HHAT: variants seen among roughly 807,000 people sequenced by gnomAD.
The protein encoded by HHAT is hedgehog acyltransferase.
Under a neutral mutation model 70.8 loss-of-function variants are expected in HHAT, and 47 were observed. That is an observed-to-expected ratio of 0.66 (90% CI 0.53 to 0.85). The LOEUF is 0.85. Ranked by LOEUF, HHAT falls within the 40% of genes least tolerant of loss-of-function variation. The pLI, the probability that HHAT is intolerant of heterozygous loss-of-function variation, is 0.00. For missense variants in HHAT, 609 were observed against 604.8 expected (o/e 1.01, Z -0.07); for synonymous variants, 228 against 247.6 (o/e 0.92, Z 0.74).
At chr1:210,642,279 A>G (rs962047426) in intron 11 of HHAT, among the ~76,000 whole-genome samples, 7 of 152,220 alleles carry the variant, frequency 4.6e-5, no homozygotes, top group Non-Finnish European at 1.0e-4. Context: ...GTGTGAACAT[A>G]CCACAATTCA....
intron 10 of HHAT, among the ~76,000 whole-genome samples, chr1:210,604,228 T>A (rs973534473): frequency 6.8e-6 from 1 of 147,770 alleles, no homozygotes; most frequent in African/African-American, 2.5e-5. Context: ...TACAGGTGCA[T>A]GCCACCAAGC....
chr1:210,366,662 T>G (rs547278827), intron 3 of HHAT, among the ~76,000 whole-genome samples: 1 of 152,216 alleles, frequency 6.6e-6, no homozygotes, highest in South Asian at 2.1e-4. Context: ...TTAAAAAGTC[T>G]CCATGCATTG....
At chr1:210,570,841 G>T (rs940120569) in intron 9 of HHAT, among the ~76,000 whole-genome samples, 1 of 152,138 alleles carries the variant, frequency 6.6e-6, no homozygotes, top group Non-Finnish European at 1.5e-5. Context: ...AGGAATATTG[G>T]CCCCACAGGT....
chr1:210,435,520 A>G (rs2093354297), intron 7 of HHAT, among the ~76,000 whole-genome samples: 1 of 151,442 alleles, frequency 6.6e-6, no homozygotes, highest in Non-Finnish European at 1.5e-5. Flanking sequence ...TGGTGGTTCT[A>G]TTTTTGTTTT....
intron 2 of HHAT, among the ~76,000 whole-genome samples, chr1:210,357,354 G>C (rs1319892019): frequency 6.6e-6 from 1 of 152,118 alleles, no homozygotes; most frequent in Non-Finnish European, 1.5e-5. Flanking sequence ...TCATGTGAGA[G>C]GTGCCTTCTC....
chr1:210,587,508 C>T (rs1573536499), intron 9 of HHAT, among the ~76,000 whole-genome samples: 1 of 152,316 alleles, frequency 6.6e-6, no homozygotes, highest in Admixed American at 6.5e-5. Flanking sequence ...GGGTCACAGC[C>T]AAACCATATC....
intron 10 of HHAT, among the ~76,000 whole-genome samples, chr1:210,597,978 C>G (rs771210196): frequency 1.1e-4 from 16 of 151,872 alleles, no homozygotes; most frequent in Admixed American, 1.0e-3. Context: ...CAAAAGCCCA[C>G]AGCAAGCACT....
chr1:210,483,666 T>C (rs1380373734), intron 8 of HHAT, among the ~76,000 whole-genome samples: 1 of 152,234 alleles, frequency 6.6e-6, no homozygotes, highest in Admixed American at 6.5e-5. Context: ...TTATTTGATG[T>C]AGTTTTAATT....
intron 2 of HHAT, among the ~76,000 whole-genome samples, chr1:210,357,085 G>A (rs1348690339): frequency 6.6e-6 from 1 of 152,210 alleles, no homozygotes; most frequent in Non-Finnish European, 1.5e-5. Flanking sequence ...ATTTGGCTGT[G>A]GTTTCCATTG....
At chr1:210,483,070 A>T (rs999305949) in intron 8 of HHAT, among the ~76,000 whole-genome samples, 1 of 152,222 alleles carries the variant, frequency 6.6e-6, no homozygotes, top group African/African-American at 2.4e-5. Flanking sequence ...ACTGTCTGAC[A>T]TGAATGCACT....
intron 11 of HHAT, among the ~76,000 whole-genome samples, chr1:210,664,209 A>G (rs1459806860): frequency 6.6e-6 from 1 of 152,228 alleles, no homozygotes; most frequent in African/African-American, 2.4e-5. Context: ...AGGCTTATTA[A>G]GATTAAAACT....
intron 10 of HHAT, among the ~76,000 whole-genome samples, chr1:210,618,770 C>A (rs1368451168): frequency 6.6e-6 from 1 of 152,128 alleles, no homozygotes; most frequent in Non-Finnish European, 1.5e-5. Context: ...CTTGTTTGCT[C>A]CCACCAATCC....
intron 9 of HHAT, among the ~76,000 whole-genome samples, chr1:210,551,929 G>A (rs1483970026): frequency 1.3e-5 from 2 of 152,202 alleles, no homozygotes; most frequent in Non-Finnish European, 2.9e-5. Context: ...TTTCTGCCAA[G>A]TGGCTAAAAT....
chr1:210,424,509 T>G (rs1299959219), intron 7 of HHAT, among the ~76,000 whole-genome samples: 1 of 150,712 alleles, frequency 6.6e-6, no homozygotes, highest in African/African-American at 2.4e-5. Context: ...GCCATGGGTT[T>G]TTTTTTTTTT....
At chr1:210,620,893 CT>C (rs11393436) in intron 10 of HHAT, among the ~76,000 whole-genome samples, 34,485 of 146,940 alleles carry the variant, frequency 0.23, 4,257 homozygotes, top group East Asian at 0.39. Context: ...ATGATTTTGA[CT>C]TTTTTTTTTT....
intron 9 of HHAT, among the ~76,000 whole-genome samples, chr1:210,513,573 T>C (rs2094998992): frequency 6.6e-6 from 1 of 152,258 alleles, no homozygotes; most frequent in Admixed American, 6.5e-5. Context: ...AGTTGCTTTA[T>C]AGTTGTGAAG....
intron 10 of HHAT, among the ~76,000 whole-genome samples, chr1:210,617,229 C>G (rs899254786): frequency 2.6e-5 from 4 of 152,208 alleles, no homozygotes; most frequent in African/African-American, 7.2e-5. Flanking sequence ...TTGGGGAACA[C>G]TGAAGACAGC....
At chr1:210,452,708 G>T (rs1324091614) in intron 7 of HHAT, among the ~76,000 whole-genome samples, 1 of 152,240 alleles carries the variant, frequency 6.6e-6, no homozygotes, top group African/African-American at 2.4e-5. Context: ...TTCTTTAAAA[G>T]AGCTCAGAAA....
intron 9 of HHAT, among the ~76,000 whole-genome samples, chr1:210,521,509 T>C (rs1047365867): frequency 6.6e-6 from 1 of 152,242 alleles, no homozygotes; most frequent in African/African-American, 2.4e-5. Context: ...TTGAGTTTTG[T>C]GAATGACAGG....
Sources: gnomAD v4.1 joint callset for allele counts (sites outside exome capture counted in the v4.1 genomes callset) on GRCh38, gnomAD v4.1.1 for gene constraint, MANE v1.5 for transcripts, NCBI Gene and HGNC (gene_info 2026-07-23, HGNC 2026-07-21) for gene names.